FAS: variants seen among roughly 807,000 people sequenced by gnomAD.
FAS encodes the protein tumor necrosis factor receptor superfamily member 6.
Under a neutral mutation model 33.2 loss-of-function variants are expected in FAS, and 5 were observed. That is an observed-to-expected ratio of 0.15 (90% CI 0.08 to 0.32). The LOEUF is 0.32. FAS is among the 10% of genes least tolerant of loss of function. The probability of loss-of-function intolerance (pLI) is 1.00; values close to 1 mark genes in which losing one functional copy is unlikely to be tolerated. For missense variants in FAS, 339 were observed against 386.0 expected (o/e 0.88, Z 1.02); for synonymous variants, 131 against 130.7 (o/e 1.00, Z -0.01).
In FAS at chr10:88,991,000, C is replaced by T; in HGVS notation, c.30+94C>T. 1.9e-6 allele frequency: 3 copies of T among 1,564,164 alleles called. 1 individual carries two copies. On this transcript the variant is annotated intron_variant, in intron 1 of 8. Transcript: ENST00000652046. This position sits in a 1 kb window ranked among gnomAD's most constrained non-coding sequence, Gnocchi z 4.9. ...GCGCGGGACGCGTGCGGGATTGCGG[C>T]GGCAGCGGCGCACGCGGGCACCTGG...
In FAS at chr10:89,016,023, G is replaced by A. The variant is rs926910872; in HGVS notation, c.*1573G>A. 1 of 241,920 alleles carries A rather than the reference G, an allele frequency of 4.1e-6. No homozygotes were observed. The highest frequency in any genetic ancestry group is 5.9e-5 in the East Asian group (1 of 16,928). 15.0% of individuals were successfully genotyped at this position (241,920 alleles called of 1,614,324 possible). A position where few individuals can be genotyped will look rare whatever the true frequency, so the allele number is the denominator to read the frequency against. ...AAACAGTTTCGTATTCCAGATACTGGAATGTGGATAAGAAAGTATACATTT... is the reference window on the plus strand; with the variant it reads ...AAACAGTTTCGTATTCCAGATACTGAAATGTGGATAAGAAAGTATACATTT... On this transcript the variant is annotated 3_prime_UTR_variant, in exon 9 of 9. Transcript: ENST00000652046.
At chr10:88,975,022 A>G (rs1846530950) in intron 2 of FAS, 1 of 152,234 alleles carries the variant, frequency 6.6e-6, no homozygotes, top group African/African-American at 2.4e-5. Context: ...CAGTTAGATG[A>G]TGCAAATTGT....
At chr10:89,006,695 T>C (rs187077581) in intron 2 of FAS, among the ~76,000 whole-genome samples, 2 of 152,290 alleles carry the variant, frequency 1.3e-5, no homozygotes, top group Admixed American at 6.5e-5. Context: ...ATTTGTGTAT[T>C]GTCTGCCTGC....
intron 1 of FAS, among the ~76,000 whole-genome samples, chr10:88,965,908 A>G (rs1846310487): frequency 6.6e-6 from 1 of 152,150 alleles, no homozygotes. Flanking sequence ...GAGGTACACC[A>G]ATGTTTTTTT....
At chr10:88,983,863 G>A (rs375521326), upstream of FAS, among the ~76,000 whole-genome samples, 118 of 152,292 alleles carry the variant, frequency 7.7e-4, no homozygotes, top group African/African-American at 2.5e-3. Context: ...GCCAGGTGGA[G>A]GAATGCCTGC....
At chr10:88,994,658 G>A (rs1216757256) in intron 1 of FAS, among the ~76,000 whole-genome samples, 1 of 151,702 alleles carries the variant, frequency 6.6e-6, no homozygotes, top group East Asian at 1.9e-4. Flanking sequence ...ATACATAATT[G>A]CATGTTTAAT....
chr10:89,000,192 A>G (rs1389814407), intron 1 of FAS, among the ~76,000 whole-genome samples: 1 of 152,242 alleles, frequency 6.6e-6, no homozygotes, highest in Non-Finnish European at 1.5e-5. Context: ...TGTTTGATTT[A>G]GTAAAATTAT....
At chr10:88,967,845 A>G (rs571133579) in intron 1 of FAS, among the ~76,000 whole-genome samples, 1 of 152,338 alleles carries the variant, frequency 6.6e-6, no homozygotes, top group African/African-American at 2.4e-5. Flanking sequence ...ATGGTTGGCA[A>G]AGTTGTTCCC....
chr10:88,976,365 C>A (rs1361001317), intron 2 of FAS, among the ~76,000 whole-genome samples: 1 of 152,160 alleles, frequency 6.6e-6, no homozygotes, highest in African/African-American at 2.4e-5. Flanking sequence ...GATATTATCA[C>A]AAATGCCAGA....
Position 88,979,807 on chromosome 10 carries a change from C to T in FAS, n.260+6460C>T, listed in dbSNP as rs1846664960. Among the ~76,000 whole-genome samples, 3 of 152,156 alleles carry T rather than the reference C, an allele frequency of 2.0e-5. 1 individual carries two copies. The South Asian group carries it at 6.2e-4, about 31-fold the overall frequency. On this transcript the variant is annotated intron_variant and non_coding_transcript_variant, in intron 2 of 3. Coordinates refer to the FAS transcript ENST00000688239. ...CTCTCTAATCAAATGCCAGGAGGAT[C>T]CAGAGAGCAACAGCAAAGGTCATTT...
Position 89,003,031 on chromosome 10 carries a change from T to C in FAS, c.33T>C (p.Val11=), listed in dbSNP as rs113022949. ...CTCTTCATGCTTTTATTTTACAGGT[T>C]CTTACGTCTGTTGCTAGATTATCGT... MLGIWTLLPL[V]LTSVARLSSK... The change falls in exon 2 of 9, where the codon GTT becomes GTC. Residue 11 remains valine (V), a splice_region_variant and synonymous_variant. Coordinates refer to ENST00000652046, the MANE Select transcript of FAS (RefSeq NM_000043.6). 6.2e-7 allele frequency: 1 copy of C among 1,614,160 alleles called. No homozygotes were observed. Among genetic ancestry groups the C allele is most frequent in the Non-Finnish European group, 8.5e-7 (1 of 1,179,976 alleles).
chr10:89,003,211 A>G lies in FAS; in HGVS notation c.196+17A>G, dbSNP rs781034219. ...GTCCTCCAGGTATGTTACACAAAACATCCAGAGATTACAGTGAAAGTCACA... is the reference window on the plus strand; with the variant it reads ...GTCCTCCAGGTATGTTACACAAAACGTCCAGAGATTACAGTGAAAGTCACA... On this transcript the variant is annotated intron_variant, in intron 2 of 8. Coordinates refer to ENST00000652046, the MANE Select transcript of FAS (RefSeq NM_000043.6). 1.9e-5 allele frequency: 30 copies of G among 1,613,854 alleles called. No homozygotes were observed. Among genetic ancestry groups the G allele is most frequent in the Non-Finnish European group, 2.4e-5 (28 of 1,179,888 alleles).
At chr10:88,970,629 T>C (rs1233733518) in intron 1 of FAS, among the ~76,000 whole-genome samples, 1 of 152,136 alleles carries the variant, frequency 6.6e-6, no homozygotes, top group Non-Finnish European at 1.5e-5. Context: ...CATTTATCCT[T>C]ACAATAGTTT....
intron 2 of FAS, among the ~76,000 whole-genome samples, 178 bp from the exon 3 acceptor site, chr10:89,007,522 T>C (rs1848296826): frequency 6.6e-6 from 1 of 152,350 alleles, no homozygotes; most frequent in East Asian, 1.9e-4. Flanking sequence ...GGAGACTTTC[T>C]GTCTGTTGAC....
chr10:89,015,945 A>T lies in FAS; in HGVS notation c.*1495A>T, dbSNP rs1456114746. On this transcript the variant is annotated 3_prime_UTR_variant, in exon 9 of 9. Transcript: ENST00000652046. ...TTTTAGTAGTTAAATAATTATTTCC[A>T]TAGGTTGCTATTGCCAAGAAGACCT... The T allele has an allele frequency of 3.7e-6, 1 of 272,688 alleles. No homozygotes were observed. Among genetic ancestry groups the T allele is most frequent in the Non-Finnish European group, 7.1e-6 (1 of 141,320 alleles). 16.9% of individuals were successfully genotyped at this position (272,688 alleles called of 1,614,324 possible).
chr10:89,010,951 A>G, intron 6 of FAS, 136 bp downstream of exon 6: 2 of 953,542 alleles, frequency 2.1e-6, no homozygotes, highest in South Asian at 2.6e-5. Context: ...CCCTGAATGC[A>G]GCCTTGAGAG....
chr10:88,991,174 C>T, intron 1 of FAS: 1 of 583,116 alleles, frequency 1.7e-6, no homozygotes. Flanking sequence ...GGCGGGGCAG[C>T]TCCGGCGCTC....
intron 2 of FAS, among the ~76,000 whole-genome samples, chr10:88,976,458 G>A (rs1846566889): frequency 6.6e-6 from 1 of 152,200 alleles, no homozygotes; most frequent in Non-Finnish European, 1.5e-5. Context: ...GAGGATCACG[G>A]AAAATGGAGA....
At chr10:88,977,216 T>C (rs1222157986) in intron 2 of FAS, among the ~76,000 whole-genome samples, 1 of 151,808 alleles carries the variant, frequency 6.6e-6, no homozygotes, top group Non-Finnish European at 1.5e-5. Flanking sequence ...GCTTTTGGTG[T>C]TTTAGACATG....
Sources: gnomAD v4.1 joint callset for allele counts (sites outside exome capture counted in the v4.1 genomes callset) on GRCh38, gnomAD v4.1.1 for gene constraint, Gnocchi (gnomAD v3.1) non-coding constraint, MANE v1.5 for transcripts, NCBI Gene and HGNC (gene_info 2026-07-23, HGNC 2026-07-21) for gene names.